HDGFL2: variants seen among roughly 807,000 people sequenced by gnomAD.
The protein encoded by HDGFL2 is hepatoma-derived growth factor-related protein 2.
A neutral mutation model predicts 77.1 loss-of-function variants in HDGFL2; 36 were observed. The ratio of observed to expected loss-of-function variants is 0.47; its 90% CI spans 0.36 to 0.62. The LOEUF (loss-of-function observed/expected upper bound fraction) is 0.62, where lower values mean the gene tolerates loss of function less well. HDGFL2 is among the 20% of genes least tolerant of loss of function. The pLI, the probability that HDGFL2 is intolerant of heterozygous loss-of-function variation, is 0.00. For missense variants in HDGFL2, 976 were observed against 973.4 expected (o/e 1.00, Z -0.04); for synonymous variants, 463 against 413.1 (o/e 1.12, Z -1.46).
chr19:4,479,467 G>C (rs1179117122), intron 3 of HDGFL2, among the ~76,000 whole-genome samples: 1 of 151,702 alleles, frequency 6.6e-6, no homozygotes, highest in Non-Finnish European at 1.5e-5. Flanking sequence ...TGTAGTCCCA[G>C]CTACTCTGGA....
intron 1 of HDGFL2, among the ~76,000 whole-genome samples, chr19:4,472,894 CGGGGTCTGGGGGCCCT>C (rs1405012310): frequency 7.1e-6 from 1 of 140,698 alleles, no homozygotes; most frequent in Non-Finnish European, 1.6e-5. Flanking sequence ...AGCCGCGCCC[CGGGGTCTGGGGGCCCT>C]GGGCCTCAGG....
Position 4,494,059 on chromosome 19 carries a change from TG to T in HDGFL2, c.914+5del. 1 of 1,603,166 alleles carries T rather than the reference TG, an allele frequency of 6.2e-7. No homozygotes were observed. The highest frequency in any genetic ancestry group is 8.5e-7 in the Non-Finnish European group (1 of 1,175,530). ...TCCGTCCAGCTCCAGCAGTGACAGG[TG>T]GGTGCTGGGGCTGGGGTCCCCTCTG... On this transcript the variant is annotated splice_donor_region_variant and intron_variant, in intron 8 of 15. Transcript: ENST00000616600.
In HDGFL2 at chr19:4,501,173, C is replaced by G. The variant is rs1249175258; in HGVS notation, c.1790-18C>G. Reference sequence around the variant, plus strand: ...GCTGGAGCCCAGCAGTGTCCTGTGACCCCTCTGTCCCACCCAGATCTCTCA... The same window carrying G: ...GCTGGAGCCCAGCAGTGTCCTGTGAGCCCTCTGTCCCACCCAGATCTCTCA... On this transcript the variant is annotated intron_variant, in intron 14 of 15. Transcript: ENST00000616600. 2 of 1,612,762 alleles carry G rather than the reference C, an allele frequency of 1.2e-6. No homozygotes were observed. The highest frequency in any genetic ancestry group is 2.2e-5 in the South Asian group (2 of 91,066).
At chr19:4,481,469 C>T (rs1320860928) in intron 3 of HDGFL2, among the ~76,000 whole-genome samples, 2 of 151,808 alleles carry the variant, frequency 1.3e-5, no homozygotes, top group Non-Finnish European at 2.9e-5. Flanking sequence ...GGATTACAGG[C>T]TTGAGCCACC....
At position 4,491,826 on chromosome 19, in the gene HDGFL2, GA is replaced by G. The variant is rs1219916331; in HGVS notation, c.677del (p.Lys226ArgfsTer45). On this transcript the variant is annotated frameshift_variant, in exon 6 of 16. Transcript: ENST00000616600. LOFTEE classifies it high-confidence loss of function. ...APRRGPLGGRKKKKAPSASDS... is the reference protein window; with the variant it reads ...APRRGPLGGRXKKKAPSASDS... ...CACGGAGGGGCCCTCTGGGGGGACG[GA>G]AAAAAAAGGTAGCGTGCACTTGACT... is the stretch of plus-strand genomic sequence containing the variant. 3.1e-6 allele frequency: 5 copies of G among 1,612,184 alleles called. No individual in the cohort carries two copies. Among genetic ancestry groups the G allele is most frequent in the Non-Finnish European group, 4.2e-6 (5 of 1,178,944 alleles).
At chr19:4,475,021 C>G in intron 1 of HDGFL2, 1 of 500,384 alleles carries the variant, frequency 2.0e-6, no homozygotes. Context: ...CCGGATCTGG[C>G]TTTGCTCAGG....
Position 4,488,798 on chromosome 19 carries a change from C to T in HDGFL2, c.411C>T (p.Ser137=), listed in dbSNP as rs559578094. ...CAGCGGTAACCGCCACAGCTGCCAG[C>T]GACAGGATGGAGAGCGACTCAGACT... The part of the protein sequence containing the change: ...AVTAVTATAA[S]DRMESDSDSD... Residue 137 remains serine, a synonymous_variant, in exon 4 of 16, where the codon AGC becomes AGT. Coordinates refer to ENST00000616600, the MANE Select transcript of HDGFL2 (RefSeq NM_001001520.3). The T allele has an allele frequency of 1.1e-5, 17 of 1,551,878 alleles. No individual in the cohort carries two copies. The highest frequency in any genetic ancestry group is 3.3e-4 in the Middle Eastern group (2 of 5,994).
intron 4 of HDGFL2, among the ~76,000 whole-genome samples, chr19:4,491,249 A>ACCCCCCCCCCCCCCCCCCCCCCCCCCCCC: frequency 2.5e-5 from 1 of 39,504 alleles, no homozygotes; most frequent in African/African-American, 1.0e-4. Flanking sequence ...CACTCCCACC[A>ACCCCCCCCCCCCCCCCCCCCCCCCCCCCC]CCCACCCCCC....
At chr19:4,497,715 T>G (rs1975744001) in intron 10 of HDGFL2, 1 of 548,178 alleles carries the variant, frequency 1.8e-6, no homozygotes, top group South Asian at 2.3e-5. Flanking sequence ...AAAAGAATCC[T>G]GGGATTTCAT....
chr19:4,494,580 C>T (rs896405799), intron 9 of HDGFL2, 105 bp downstream of exon 9: 11 of 858,712 alleles, frequency 1.3e-5, no homozygotes, highest in Admixed American at 1.3e-4. Flanking sequence ...ATCAAGAAAG[C>T]AGTGCGTGGG....
rs77573115 is a variant in HDGFL2 at position 4,502,067 on chromosome 19, C to T, written c.*57C>T. 9.1e-4 allele frequency: 1,121 copies of T among 1,225,818 alleles called. 22 individuals carry two copies. The East Asian group carries it at 0.026, about 28-fold the overall frequency. 75.9% of individuals were successfully genotyped at this position (1,225,818 alleles called of 1,614,324 possible). On this transcript the variant is annotated 3_prime_UTR_variant, in exon 16 of 16. Coordinates refer to ENST00000616600, the MANE Select transcript of HDGFL2 (RefSeq NM_001001520.3). ...AGCTCAGGCTGCCCCTCTCCTTCCC[C>T]GGCTCGCAGGAGAGCAGAGCAGAGA... is the stretch of plus-strand genomic sequence containing the variant.
In HDGFL2 at chr19:4,494,367, C is replaced by G. The variant is rs1334026177; in HGVS notation, c.1116C>G (p.Asp372Glu). ...GGGGCAGCGGCGGCAGCAGCGGGGA[C>G]GAGCTCAGGGAGGACGATGAGCCCG... Reference protein sequence around the residue: ...AERGSGGSSGDELREDDEPVK... With the variant: ...AERGSGGSSGEELREDDEPVK... The change falls in exon 9 of 16, where the codon GAC (aspartate) becomes GAG (glutamate). Residue 372 changes from aspartate to glutamate, a missense_variant. Asp to Glu is a conservative substitution (Grantham distance 45). Coordinates refer to ENST00000616600, the MANE Select transcript of HDGFL2 (RefSeq NM_001001520.3). 1 of 1,405,072 alleles carries G rather than the reference C, an allele frequency of 7.1e-7. No individual in the cohort carries two copies. Among genetic ancestry groups the G allele is most frequent in the Non-Finnish European group, 9.2e-7 (1 of 1,084,368 alleles). 87.0% of individuals were successfully genotyped at this position (1,405,072 alleles called of 1,614,324 possible). A position where few individuals can be genotyped will look rare whatever the true frequency, so the allele number is the denominator to read the frequency against.
At chr19:4,493,206 G>C (rs895979026) in intron 6 of HDGFL2, among the ~76,000 whole-genome samples, 1 of 129,714 alleles carries the variant, frequency 7.7e-6, no homozygotes, top group Non-Finnish European at 1.6e-5. Context: ...CTGTGTCTGT[G>C]CGGTGTGTGT....
chr19:4,473,360 C>T (rs1159225023), intron 1 of HDGFL2, among the ~76,000 whole-genome samples: 4 of 150,942 alleles, frequency 2.7e-5, no homozygotes, highest in East Asian at 4.0e-4. Context: ...GAGGGAGCCA[C>T]GCCTCGTGTG....
chr19:4,494,191 A>T lies in HDGFL2; in HGVS notation c.940A>T (p.Ser314Cys). The T allele has an allele frequency of 6.7e-7, 1 of 1,490,536 alleles. No homozygotes were observed. Among genetic ancestry groups the T allele is most frequent in the East Asian group, 2.6e-5 (1 of 39,192 alleles). The allele number at this position is 1,490,536 out of a possible 1,614,324, so 92.3% of individuals were successfully genotyped here. Residue 314 changes from serine (S) to cysteine (C), a missense_variant, in exon 9 of 16, where the codon AGT becomes TGT. Ser to Cys is a moderately radical substitution (Grantham distance 112). Coordinates refer to ENST00000616600, the MANE Select transcript of HDGFL2 (RefSeq NM_001001520.3). ...DSDSDEVDRI[S>C]EWKRRDEARR... is the part of the protein sequence containing the mutation. Reference sequence around the variant, plus strand: ...TGACAGCGACGAGGTGGACCGCATCAGTGAGTGGAAGCGGCGGGACGAGGC... The same window carrying T: ...TGACAGCGACGAGGTGGACCGCATCTGTGAGTGGAAGCGGCGGGACGAGGC...
At chr19:4,498,159 CG>C (rs1745805863) in intron 11 of HDGFL2, 128 bp downstream of exon 11, 1 of 1,166,716 alleles carries the variant, frequency 8.6e-7, no homozygotes, top group African/African-American at 1.5e-5. Flanking sequence ...CCGGCCTGGC[CG>C]GCGGTGCCTC....
At position 4,501,313 on chromosome 19, in the gene HDGFL2, C is replaced by A; in HGVS notation, c.1912C>A (p.His638Asn). Residue 638 changes from histidine to asparagine, a missense_variant, in exon 15 of 16, where the codon CAC becomes AAC. Around this residue, in one of 5 missense-constraint regions of HDGFL2, gnomAD observed 229 missense variants for 187.3 expected, o/e 1.22. Coordinates refer to ENST00000616600, the MANE Select transcript of HDGFL2 (RefSeq NM_001001520.3). The stretch of plus-strand genomic sequence containing the variant: ...AAGGTGTGGCTCCTCTGAAGACCTG[C>A]ACGAGTGAGTGTCCCGGGCCGTGGG... ...GPRCGSSEDL[H>N]DSVREGPDLD... 1 of 1,597,448 alleles carries A rather than the reference C, an allele frequency of 6.3e-7. No homozygotes were observed. Among genetic ancestry groups the A allele is most frequent in the South Asian group, 1.1e-5 (1 of 89,018 alleles).
chr19:4,475,203 A>G, intron 1 of HDGFL2, 72 bp from the exon 2 acceptor site: 1 of 1,378,538 alleles, frequency 7.3e-7, no homozygotes, highest in Middle Eastern at 2.1e-4. Flanking sequence ...TGCCCCAAGT[A>G]ACTTGGCTGA....
chr19:4,501,751 G>T, intron 15 of HDGFL2, 160 bp from the exon 16 acceptor site: 3 of 564,128 alleles, frequency 5.3e-6, no homozygotes, highest in Non-Finnish European at 9.0e-6. Context: ...GGAGATGGTT[G>T]TGGTCTCTAG....
Sources: allele counts gnomAD v4.1 joint callset (sites outside exome capture counted in the v4.1 genomes callset), GRCh38; gene constraint gnomAD v4.1.1; regional missense constraint gnomAD v4.1.1; transcripts MANE v1.5; gene names NCBI Gene and HGNC (gene_info 2026-07-23, HGNC 2026-07-21).